Variants in PCID2 observed in about 807,000 individuals in gnomAD.
PCID2 encodes PCI domain-containing protein 2.
PCID2 carries 41 observed loss-of-function variants against 61.3 expected under a neutral mutation model. The observed-to-expected ratio is 0.67, with a 90% confidence interval of 0.52 to 0.87. The LOEUF (loss-of-function observed/expected upper bound fraction) is 0.87, where lower values mean the gene tolerates loss of function less well. PCID2 is among the 40% of genes least tolerant of loss of function. The probability of loss-of-function intolerance (pLI) is 0.00; values close to 1 mark genes in which losing one functional copy is unlikely to be tolerated. For synonymous variants in PCID2, 187 were observed against 177.8 expected (o/e 1.05, Z -0.41); for missense variants, 392 against 493.4 (o/e 0.79, Z 1.95).
the PCID2 span, chr13:113,172,171 T>C: frequency 6.3e-7 from 1 of 1,580,376 alleles, no homozygotes. Context: ...GCACTGCCAC[T>C]GTGGAGGGCG....
chr13:113,195,202 G>A, intron 5 of PCID2, 77 bp from the exon 6 acceptor site: 1 of 866,104 alleles, frequency 1.2e-6, no homozygotes, highest in Non-Finnish European at 2.0e-6. Flanking sequence ...GAAGAACACG[G>A]ACACCCAGGG....
chr13:113,189,878 C>G (rs537270510), intron 7 of PCID2, among the ~76,000 whole-genome samples: 43 of 152,112 alleles, frequency 2.8e-4, no homozygotes, highest in African/African-American at 1.0e-3. Flanking sequence ...CAAAAAGTAG[C>G]CGGACGTGGT....
intron 8 of PCID2, 89 bp downstream of exon 8, chr13:113,185,396 A>C: frequency 1.1e-6 from 1 of 896,810 alleles, no homozygotes; most frequent in Non-Finnish European, 1.9e-6. Context: ...AAGCAACGCC[A>C]GGGAGGCTAG....
chr13:113,171,463 G>C, the PCID2 span: 7 of 1,098,082 alleles, frequency 6.4e-6, no homozygotes, highest in Admixed American at 6.1e-5. The surrounding 1 kb of genome is among the most constrained non-coding windows in gnomAD (Gnocchi z 5.1). Flanking sequence ...TCCACACCAC[G>C]GGGCGGTGAG....
At chr13:113,203,758 G>A (rs1399741900) in intron 1 of PCID2, among the ~76,000 whole-genome samples, 4 of 152,152 alleles carry the variant, frequency 2.6e-5, no homozygotes, top group Non-Finnish European at 5.9e-5. Context: ...AAGGATGAGG[G>A]TGGCAACTGC....
At chr13:113,194,426 AT>A (rs1176425012) in intron 6 of PCID2, among the ~76,000 whole-genome samples, 1 of 152,058 alleles carries the variant, frequency 6.6e-6, no homozygotes, top group Non-Finnish European at 1.5e-5. Context: ...TCTGAGCCCC[AT>A]CCCCCTCTTC....
intron 1 of PCID2, among the ~76,000 whole-genome samples, chr13:113,201,637 C>T (rs2039436077): frequency 6.6e-6 from 1 of 151,842 alleles, no homozygotes; most frequent in African/African-American, 2.4e-5. Flanking sequence ...CAATGAAACC[C>T]CATCTGTACT....
the PCID2 span, chr13:113,172,487 G>A: frequency 9.3e-6 from 3 of 322,342 alleles, no homozygotes; most frequent in African/African-American, 6.5e-5. Flanking sequence ...TTCTGGTGCA[G>A]AAGCGACAAC....
At chr13:113,176,810 G>A (rs537391190), downstream of PCID2, among the ~76,000 whole-genome samples, 3 of 152,286 alleles carry the variant, frequency 2.0e-5, no homozygotes, top group South Asian at 6.2e-4. Flanking sequence ...CTCTAGCACA[G>A]CAAGAATACC....
intron 1 of PCID2, among the ~76,000 whole-genome samples, chr13:113,202,038 G>A (rs1333843278): frequency 1.3e-5 from 2 of 152,188 alleles, no homozygotes; most frequent in Non-Finnish European, 1.5e-5. Context: ...AACTAGGAAG[G>A]CTGATGACAC....
chr13:113,208,050 G>GC, intron 1 of PCID2: 1 of 1,612,770 alleles, frequency 6.2e-7, no homozygotes, highest in Non-Finnish European at 8.5e-7. Flanking sequence ...TCTGTCAGAC[G>GC]CATGTACCGA....
chr13:113,172,770 G>A (rs147045668), downstream of PCID2, among the ~76,000 whole-genome samples: 20 of 152,208 alleles, frequency 1.3e-4, no homozygotes, highest in Non-Finnish European at 2.5e-4. Context: ...AGTCAGGGCT[G>A]AGCACTGAGA....
chr13:113,204,516 C>G (rs1401595395), intron 1 of PCID2, among the ~76,000 whole-genome samples: 2 of 152,152 alleles, frequency 1.3e-5, no homozygotes, highest in Non-Finnish European at 2.9e-5. Context: ...CAGGGTGGTC[C>G]CTGCACATAT....
At chr13:113,180,875 A>T (rs1023816615) in intron 10 of PCID2, among the ~76,000 whole-genome samples, 1 of 152,226 alleles carries the variant, frequency 6.6e-6, no homozygotes, top group Admixed American at 6.5e-5. Flanking sequence ...CATGAACGTT[A>T]AACTCTTGAG....
At position 113,179,524 on chromosome 13, in the gene PCID2, GA is replaced by G. The variant is rs1475247239; in HGVS notation, c.986+392del. Among the ~76,000 whole-genome samples, 1 of 152,158 alleles carries G rather than the reference GA, an allele frequency of 6.6e-6. No individual in the cohort carries two copies. The highest frequency in any genetic ancestry group is 1.5e-5 in the Non-Finnish European group (1 of 68,024). On this transcript the variant is annotated intron_variant, in intron 12 of 13. Coordinates refer to ENST00000337344, the MANE Select transcript of PCID2 (RefSeq NM_001127202.4). This position sits in a 1 kb window ranked among gnomAD's most constrained non-coding sequence, Gnocchi z 4.3. ...GGCCTCAGAAGACGTGTGAGGAAAGGAATGACGATCTCTGCATCTGCCTTTG... is the reference window on the plus strand; with the variant it reads ...GGCCTCAGAAGACGTGTGAGGAAAGGATGACGATCTCTGCATCTGCCTTTG...
intron 6 of PCID2, among the ~76,000 whole-genome samples, chr13:113,191,891 G>A (rs528190756): frequency 2.0e-5 from 3 of 152,068 alleles, no homozygotes; most frequent in African/African-American, 4.8e-5. Context: ...TAATCACCAC[G>A]TTCTTAAACA....
At chr13:113,208,088 A>G (rs977596338) in intron 1 of PCID2, 1 of 1,612,540 alleles carries the variant, frequency 6.2e-7, no homozygotes, top group African/African-American at 1.3e-5. Flanking sequence ...TTGTGCTCGG[A>G]GAGTGAAGGG....
chr13:113,175,948 C>T (rs61227822), downstream of PCID2, among the ~76,000 whole-genome samples: 961 of 152,346 alleles, frequency 6.3e-3, 15 homozygotes, highest in African/African-American at 0.022. Flanking sequence ...GGTGAGAGCC[C>T]GGGCCAATAC....
chr13:113,188,380 A>G (rs1158274912), intron 7 of PCID2: 3 of 152,260 alleles, frequency 2.0e-5, no homozygotes, highest in African/African-American at 7.2e-5. Flanking sequence ...GAACAGTTGC[A>G]CAACTCAAAC....
Sources: allele counts gnomAD v4.1 joint callset (sites outside exome capture counted in the v4.1 genomes callset), GRCh38; gene constraint gnomAD v4.1.1; non-coding constraint Gnocchi (gnomAD v3.1); transcripts MANE v1.5; gene names NCBI Gene and HGNC (gene_info 2026-07-23, HGNC 2026-07-21).